Variants in LPIN2 observed in about 807,000 individuals in gnomAD.
The protein encoded by LPIN2 is lipin 2.
In LPIN2, 55 loss-of-function variants were observed where a neutral mutation model predicts 111.4. That is an observed-to-expected ratio of 0.49 (90% CI 0.40 to 0.62). The LOEUF is 0.62. Ranked by LOEUF, LPIN2 falls within the 20% of genes least tolerant of loss-of-function variation. The pLI is 0.00. For missense variants in LPIN2, 992 were observed against 1,112.1 expected (o/e 0.89, Z 1.54); for synonymous variants, 425 against 414.0 (o/e 1.03, Z -0.32).
intron 4 of LPIN2, among the ~76,000 whole-genome samples, chr18:2,947,216 T>C (rs1218791359): frequency 2.6e-5 from 4 of 152,368 alleles, no homozygotes; most frequent in Admixed American, 1.3e-4. Context: ...ATTTTTGCTA[T>C]TGCTGGGTAT....
intron 2 of LPIN2, among the ~76,000 whole-genome samples, chr18:2,958,161 C>CAAAAAAAAAACAAAAAAAAAAAAAAAAAA (rs2077647673): frequency 2.2e-5 from 1 of 44,712 alleles, no homozygotes; most frequent in Non-Finnish European, 4.3e-5. Flanking sequence ...AAAAAAACAA[C>CAAAAAAAAAACAAAAAAAAAAAAAAAAAA]AAAAAAAAAA....
rs2076998777 is a variant in LPIN2 at position 2,918,294 on chromosome 18, T to A, written c.*1999A>T. On this transcript the variant is annotated 3_prime_UTR_variant, in exon 20 of 20. Transcript: ENST00000677752. ...CAAGAAAAAGAAACTAGTCAAAAAC[T>A]CTTTAAAGGACAACCTAAAAAGGAT... The A allele has an allele frequency of 6.6e-6, 1 of 152,138 alleles. No individual in the cohort carries two copies. Among genetic ancestry groups the A allele is most frequent in the Non-Finnish European group, 1.5e-5 (1 of 68,034 alleles). 9.4% of individuals were successfully genotyped at this position (152,138 alleles called of 1,614,324 possible).
Position 2,923,861 on chromosome 18 carries a change from C to A in LPIN2, c.2088G>T (p.Lys696Asn), listed in dbSNP as rs778440902. ...GGAGAATCTGTCCCAAAGCATCCGA[C>A]CTAAGAAGACGGTAGAAACAGGAAA... ...IISDIDGTIT[K>N]SDALGQILPQ... is the part of the protein sequence containing the mutation. Residue 696 changes from lysine (K) to asparagine (N), a missense_variant and splice_region_variant, in exon 16 of 20, where the codon AAG (lysine) becomes AAT (asparagine). By Grantham distance (94) the Lys-to-Asn change is moderately conservative (BLOSUM62 0). Transcript: ENST00000677752. 6.2e-7 allele frequency: 1 copy of A among 1,613,670 alleles called. No homozygotes were observed. The highest frequency in any genetic ancestry group is 1.1e-5 in the South Asian group (1 of 91,076).
In LPIN2 at chr18:2,937,648, A is replaced by T. The variant is rs3826637; in HGVS notation, c.1168+44T>A. ...ATGTGGAACACTGAAATAATTTACC[A>T]TCTAATTTGAGAGTACCTGGAGCCA... On this transcript the variant is annotated intron_variant, in intron 7 of 19. Coordinates refer to ENST00000677752, the MANE Select transcript of LPIN2 (RefSeq NM_001375808.2). The T allele has an allele frequency of 2.0e-6, 3 of 1,503,710 alleles. No individual in the cohort carries two copies. The South Asian group carries it at 3.4e-5, about 17-fold the overall frequency. 93.1% of individuals were successfully genotyped at this position (1,503,710 alleles called of 1,614,324 possible).
chr18:2,951,589 C>G (rs1338931342), intron 3 of LPIN2, among the ~76,000 whole-genome samples: 1 of 152,158 alleles, frequency 6.6e-6, no homozygotes, highest in African/African-American at 2.4e-5. Context: ...CTGAGTCCAT[C>G]TGAAGGAACT....
At chr18:2,965,247 T>TA (rs1313183670) in intron 1 of LPIN2, among the ~76,000 whole-genome samples, 3 of 152,236 alleles carry the variant, frequency 2.0e-5, no homozygotes, top group Non-Finnish European at 4.4e-5. Flanking sequence ...CCTTCATGCA[T>TA]AAAATTTGAC....
At position 2,920,819 on chromosome 18, in the gene LPIN2, C is replaced by G; in HGVS notation, c.2505G>C (p.Lys835Asn). The G allele has an allele frequency of 6.2e-7, 1 of 1,614,150 alleles. No individual in the cohort carries two copies. Among genetic ancestry groups the G allele is most frequent in the Non-Finnish European group, 8.5e-7 (1 of 1,179,978 alleles). The part of the protein sequence containing the change: ...PDCRIFTVNP[K>N]GELIQERTKG... Reference sequence around the variant, plus strand: ...TGGTTCTTTCTTGTATTAATTCACCCTTGGGGTTCACGGTGAATATTCTAC... The same window carrying G: ...TGGTTCTTTCTTGTATTAATTCACCGTTGGGGTTCACGGTGAATATTCTAC... The change falls in exon 19 of 20, where the codon AAG becomes AAC. Residue 835 changes from lysine to asparagine, a missense_variant. Physicochemically the swap from Lys to Asn is moderately conservative, Grantham distance 94 (BLOSUM62 0). Coordinates refer to ENST00000677752, the MANE Select transcript of LPIN2 (RefSeq NM_001375808.2).
intron 1 of LPIN2, among the ~76,000 whole-genome samples, chr18:2,963,936 T>C (rs1000923020): frequency 1.3e-5 from 2 of 151,898 alleles, no homozygotes; most frequent in Non-Finnish European, 2.9e-5. Flanking sequence ...ATTCTTAAAC[T>C]TATACATTAT....
intron 1 of LPIN2, among the ~76,000 whole-genome samples, chr18:2,971,747 G>GAA (rs11369729): frequency 0.011 from 1,543 of 139,116 alleles, 18 homozygotes; most frequent in Middle Eastern, 0.03. Context: ...CCATGCACTG[G>GAA]AAAAAAAAAA....
intron 10 of LPIN2, 25 bp from the exon 11 acceptor site, chr18:2,928,685 A>C: frequency 6.3e-7 from 1 of 1,590,996 alleles, no homozygotes; most frequent in East Asian, 2.2e-5. Context: ...AATTGTGCAA[A>C]ACCATTACAC....
intron 1 of LPIN2, among the ~76,000 whole-genome samples, chr18:2,993,009 C>T (rs141313040): frequency 1.8e-3 from 273 of 150,756 alleles, no homozygotes; most frequent in African/African-American, 6.4e-3. Context: ...AAATATTAGC[C>T]AGGTGTGGTG....
intron 1 of LPIN2, among the ~76,000 whole-genome samples, chr18:2,980,390 G>C (rs2078090586): frequency 6.6e-6 from 1 of 152,208 alleles, no homozygotes; most frequent in South Asian, 2.1e-4. Flanking sequence ...TTCACCTCCA[G>C]TTGTTCTAGG....
intron 2 of LPIN2, among the ~76,000 whole-genome samples, chr18:2,960,062 T>A (rs898406638): frequency 6.6e-6 from 1 of 151,796 alleles, no homozygotes; most frequent in Non-Finnish European, 1.5e-5. Context: ...CCCAGGCACT[T>A]GGGAGGCTGA....
chr18:2,962,086 A>G (rs1386778092), intron 1 of LPIN2, among the ~76,000 whole-genome samples: 1 of 152,204 alleles, frequency 6.6e-6, no homozygotes, highest in Non-Finnish European at 1.5e-5. Flanking sequence ...GGCCTCCAGG[A>G]TATCTGCCTG....
chr18:2,937,756 G>A lies in LPIN2; in HGVS notation c.1104C>T (p.Ala368=). The change falls in exon 7 of 20, where the codon GCC becomes GCT. Residue 368 remains alanine (A), a synonymous_variant. Coordinates refer to ENST00000677752, the MANE Select transcript of LPIN2 (RefSeq NM_001375808.2). ...TGGATTCTGAGGGCGCCTCCGCTAA[G>A]GCTGCGTTGGGAAGGTGGTCAGCAT... ...MLDADHLPNA[A]LAEAPSESKP... 1.2e-6 allele frequency: 2 copies of A among 1,614,106 alleles called. No individual in the cohort carries two copies.
At chr18:2,936,268 GAGA>G (rs1350744747) in intron 7 of LPIN2, among the ~76,000 whole-genome samples, 2 of 152,116 alleles carry the variant, frequency 1.3e-5, no homozygotes, top group Non-Finnish European at 2.9e-5. Flanking sequence ...GGTAATTTTA[GAGA>G]AGGTTTCACA....
chr18:2,920,980 G>C lies in LPIN2; in HGVS notation c.2443-99C>G, dbSNP rs184240189. On this transcript the variant is annotated intron_variant, in intron 18 of 19. Coordinates refer to ENST00000677752, the MANE Select transcript of LPIN2 (RefSeq NM_001375808.2). ...CCAGAAGCACTGCACAGACAGACTCGACAGAAAACATGCGGAGGCGGCACA... is the reference window on the plus strand; with the variant it reads ...CCAGAAGCACTGCACAGACAGACTCCACAGAAAACATGCGGAGGCGGCACA... 4.9e-4 allele frequency: 410 copies of C among 837,704 alleles called. 1 individual carries two copies. Among genetic ancestry groups the C allele is most frequent in the Non-Finnish European group, 6.2e-5 (30 of 484,400 alleles). 51.9% of individuals were successfully genotyped at this position (837,704 alleles called of 1,614,324 possible). A position where few individuals can be genotyped will look rare whatever the true frequency, so the allele number is the denominator to read the frequency against.
At chr18:2,957,296 C>T (rs1181528563) in intron 2 of LPIN2, among the ~76,000 whole-genome samples, 4 of 152,140 alleles carry the variant, frequency 2.6e-5, no homozygotes, top group Admixed American at 2.6e-4. Flanking sequence ...AATCTGAAAT[C>T]TAAAAATGCT....
chr18:2,971,990 T>G (rs1598585768), intron 1 of LPIN2, among the ~76,000 whole-genome samples: 1 of 151,872 alleles, frequency 6.6e-6, no homozygotes, highest in East Asian at 1.9e-4. Context: ...GAGGTTGCAG[T>G]GAGCCAAGAT....
Sources: allele counts gnomAD v4.1 joint callset (sites outside exome capture counted in the v4.1 genomes callset), GRCh38; gene constraint gnomAD v4.1.1; transcripts MANE v1.5; gene names NCBI Gene and HGNC (gene_info 2026-07-23, HGNC 2026-07-21).